CCNY: variants seen among roughly 807,000 people sequenced by gnomAD.
CCNY encodes cyclin Y, also known as cyclin-Y.
A neutral mutation model predicts 42.8 loss-of-function variants in CCNY; 19 were observed. That is an observed-to-expected ratio of 0.44 (90% CI 0.31 to 0.65). The LOEUF (loss-of-function observed/expected upper bound fraction) is 0.65, where lower values mean the gene tolerates loss of function less well. Ranked by LOEUF, CCNY falls within the 30% of genes least tolerant of loss-of-function variation. The pLI is 0.07. For synonymous variants in CCNY, 165 were observed against 162.7 expected, an observed-to-expected ratio of 1.01 and a Z score of -0.11; for missense variants, 370 against 437.3, an observed-to-expected ratio of 0.85 and a Z score of 1.37.
chr10:35,305,431 A>C (rs532757809), intron 3 of CCNY, among the ~76,000 whole-genome samples: 31 of 152,334 alleles, frequency 2.0e-4, no homozygotes, highest in African/African-American at 7.5e-4. Context: ...AATATATATT[A>C]CATGCAAACA....
chr10:35,284,569 AGT>A (rs1169705917), intron 3 of CCNY, among the ~76,000 whole-genome samples: 1 of 151,998 alleles, frequency 6.6e-6, no homozygotes, highest in Non-Finnish European at 1.5e-5. Context: ...TCAAAGGACC[AGT>A]GTTCATTTTC....
At chr10:35,476,096 A>G (rs1839503066) in intron 1 of CCNY, among the ~76,000 whole-genome samples, 1 of 152,360 alleles carries the variant, frequency 6.6e-6, no homozygotes, top group East Asian at 1.9e-4. Context: ...TGTCCTAAAT[A>G]TATATGCACC....
intron 3 of CCNY, among the ~76,000 whole-genome samples, chr10:35,313,868 CAGGAGG>C (rs1246620814): frequency 6.7e-6 from 1 of 150,226 alleles, no homozygotes; most frequent in Non-Finnish European, 1.5e-5. Context: ...CTCAGCTACT[CAGGAGG>C]CTGAGGTGGG....
intron 1 of CCNY, among the ~76,000 whole-genome samples, chr10:35,354,404 C>T (rs774354543): frequency 2.0e-5 from 3 of 152,004 alleles, no homozygotes; most frequent in Non-Finnish European, 4.4e-5. Flanking sequence ...AGGCTGGTCT[C>T]GAACTCCTGA....
At chr10:35,482,256 G>GC in intron 1 of CCNY, among the ~76,000 whole-genome samples, 1 of 152,224 alleles carries the variant, frequency 6.6e-6, no homozygotes, top group Admixed American at 6.5e-5. Context: ...ACTAAGGATA[G>GC]CCCCTTCTGT....
intron 1 of CCNY, among the ~76,000 whole-genome samples, chr10:35,470,077 A>G (rs111993499): frequency 4.0e-5 from 6 of 148,348 alleles, no homozygotes; most frequent in Non-Finnish European, 7.5e-5. Flanking sequence ...AGATAGGGCA[A>G]TGGAGAGACA....
intron 7 of CCNY, among the ~76,000 whole-genome samples, chr10:35,541,130 G>A (rs925122957): frequency 2.0e-5 from 3 of 151,434 alleles, no homozygotes; most frequent in African/African-American, 7.3e-5. Flanking sequence ...TTTAATACAG[G>A]CATCTACAGT....
At chr10:35,400,628 G>A (rs1837622982) in intron 1 of CCNY, among the ~76,000 whole-genome samples, 1 of 152,140 alleles carries the variant, frequency 6.6e-6, no homozygotes, top group African/African-American at 2.4e-5. Flanking sequence ...GTTATCTACT[G>A]TTCGTTAGAT....
intron 1 of CCNY, among the ~76,000 whole-genome samples, chr10:35,412,191 AG>A (rs1199839761): frequency 1.3e-5 from 2 of 152,176 alleles, no homozygotes; most frequent in Non-Finnish European, 2.9e-5. Context: ...TCCTGTGACT[AG>A]GGGGCAGAGG....
At position 35,488,874 on chromosome 10, in the gene CCNY, T is replaced by A. The variant is rs543263482; in HGVS notation, c.229+5396T>A. 1.4e-4 allele frequency among the ~76,000 whole-genome samples: 21 copies of A among 152,364 alleles called. No individual in the cohort carries two copies. In the South Asian group the frequency reaches 4.3e-3, roughly 32 times the overall value. On this transcript the variant is annotated intron_variant, in intron 2 of 9. Coordinates refer to ENST00000374704, the MANE Select transcript of CCNY (RefSeq NM_145012.6). ...AGTTGGAAATTTCATATCACTCCTT[T>A]ATCATCTTGAACTTGTATTTCCATA...
chr10:35,397,482 G>A lies in CCNY; in HGVS notation c.154+60275G>A, dbSNP rs534585278. The stretch of plus-strand genomic sequence containing the variant: ...AGGTACTCAGTTACTTTGGAGGGCA[G>A]AATTAGTCTCTGATGGGGATACCAT... On this transcript the variant is annotated intron_variant, in intron 1 of 9. Coordinates refer to ENST00000374704, the MANE Select transcript of CCNY (RefSeq NM_145012.6). Among the ~76,000 whole-genome samples, 7 of 152,324 alleles carry A rather than the reference G, an allele frequency of 4.6e-5. No individual in the cohort carries two copies. The South Asian group carries it at 1.5e-3, about 32-fold the overall frequency.
intron 1 of CCNY, among the ~76,000 whole-genome samples, chr10:35,352,829 G>A (rs918789172): frequency 1.3e-5 from 2 of 152,216 alleles, no homozygotes; most frequent in South Asian, 2.1e-4. Context: ...GGTGAAGGGG[G>A]TGGGGCAGTG....
chr10:35,293,473 A>G (rs1835437812), intron 3 of CCNY, among the ~76,000 whole-genome samples: 1 of 152,164 alleles, frequency 6.6e-6, no homozygotes, highest in Non-Finnish European at 1.5e-5. Context: ...GATGAATTTT[A>G]GGATCAGGTT....
At chr10:35,300,194 T>C (rs1426214861) in intron 3 of CCNY, among the ~76,000 whole-genome samples, 2 of 152,240 alleles carry the variant, frequency 1.3e-5, no homozygotes, top group Admixed American at 1.3e-4. Flanking sequence ...TTTCGAGCTC[T>C]TGCTCTGTCT....
At chr10:35,434,616 A>C (rs901434105) in intron 1 of CCNY, among the ~76,000 whole-genome samples, 1 of 152,226 alleles carries the variant, frequency 6.6e-6, no homozygotes, top group Non-Finnish European at 1.5e-5. Context: ...CACTTTTTAC[A>C]AAACATTTAA....
At chr10:35,323,941 AC>A (rs1372238683) in intron 3 of CCNY, among the ~76,000 whole-genome samples, 2 of 151,692 alleles carry the variant, frequency 1.3e-5, no homozygotes, top group African/African-American at 2.4e-5. Context: ...AATCGCTTGA[AC>A]CTAGGAGGCA....
chr10:35,491,274 T>C (rs932536891), intron 2 of CCNY, among the ~76,000 whole-genome samples: 1 of 152,214 alleles, frequency 6.6e-6, no homozygotes, highest in Non-Finnish European at 1.5e-5. Context: ...TTCCTATAAA[T>C]TGACAATGGA....
chr10:35,532,757 T>C (rs1414143080), intron 7 of CCNY, among the ~76,000 whole-genome samples: 1 of 152,210 alleles, frequency 6.6e-6, no homozygotes, highest in Non-Finnish European at 1.5e-5. Flanking sequence ...CACGAGGCCC[T>C]TCCCTTCCCT....
intron 1 of CCNY, among the ~76,000 whole-genome samples, chr10:35,367,971 G>C (rs762958992): frequency 7.9e-5 from 12 of 152,160 alleles, no homozygotes; most frequent in Non-Finnish European, 1.6e-4. Context: ...AAGGTGTTTG[G>C]CTCATACTTG....
Sources: allele counts gnomAD v4.1 joint callset (sites outside exome capture counted in the v4.1 genomes callset), GRCh38; gene constraint gnomAD v4.1.1; transcripts MANE v1.5; gene names NCBI Gene and HGNC (gene_info 2026-07-23, HGNC 2026-07-21).